Variants in CEP164 observed in about 807,000 individuals in gnomAD.
CEP164 encodes centrosomal protein 164.
CEP164 carries 162 observed loss-of-function variants against 182.7 expected under a neutral mutation model. The ratio of observed to expected loss-of-function variants is 0.89; its 90% CI spans 0.78 to 1.01. The LOEUF (loss-of-function observed/expected upper bound fraction) is 1.01. CEP164 is among the 50% of genes least tolerant of loss of function. The pLI, the probability that CEP164 is intolerant of heterozygous loss-of-function variation, is 0.00. For missense variants in CEP164, 1,735 were observed against 1,790.4 expected (o/e 0.97, Z 0.56); for synonymous variants, 661 against 690.0 (o/e 0.96, Z 0.66).
chr11:117,404,578 G>A (rs2046468903), intron 27 of CEP164, among the ~76,000 whole-genome samples: 1 of 152,214 alleles, frequency 6.6e-6, no homozygotes, highest in South Asian at 2.1e-4. Context: ...TCCTGTATGA[G>A]GTGTCTGTCG....
intron 10 of CEP164, among the ~76,000 whole-genome samples, chr11:117,374,117 T>C (rs1185306701): frequency 1.3e-5 from 2 of 152,150 alleles, no homozygotes; most frequent in African/African-American, 4.8e-5. Flanking sequence ...TAGCTATTAT[T>C]ACTCTCACTA....
Position 117,396,199 on chromosome 11 carries a change from CCTGGGGGCTGGGG to C in CEP164, c.3216+21_3216+33del. ...TGGAACAGTGAGCTGGGGGCTGGGG[CCTGGGGGCTGGGG>C]CACCAGGATGGTGTGGGGCATTGGG... On this transcript the variant is annotated intron_variant, in intron 25 of 32. Coordinates refer to ENST00000278935, the MANE Select transcript of CEP164 (RefSeq NM_014956.5). The C allele has an allele frequency of 9.6e-7, 1 of 1,043,220 alleles. No homozygotes were observed. The highest frequency in any genetic ancestry group is 1.4e-6 in the Non-Finnish European group (1 of 696,920). 64.6% of individuals were successfully genotyped at this position (1,043,220 alleles called of 1,614,324 possible).
chr11:117,329,744 G>A (rs970164994), intron 1 of CEP164, among the ~76,000 whole-genome samples: 1 of 151,068 alleles, frequency 6.6e-6, no homozygotes, highest in Non-Finnish European at 1.5e-5. Flanking sequence ...GTTTCACCAT[G>A]TTGGCCAGGC....
intron 27 of CEP164, among the ~76,000 whole-genome samples, chr11:117,403,401 G>A (rs1834158163): frequency 6.6e-6 from 1 of 152,128 alleles, no homozygotes; most frequent in South Asian, 2.1e-4. Context: ...TTGTCTGTAT[G>A]GATTTTATTT....
intron 27 of CEP164, among the ~76,000 whole-genome samples, chr11:117,401,882 A>G (rs2046178691): frequency 6.6e-6 from 1 of 151,942 alleles, no homozygotes; most frequent in Non-Finnish European, 1.5e-5. Context: ...ATTAGTCTGG[A>G]TAGCAGTCTA....
At chr11:117,354,200 T>C (rs911567243) in intron 5 of CEP164, among the ~76,000 whole-genome samples, 1 of 151,966 alleles carries the variant, frequency 6.6e-6, no homozygotes. Flanking sequence ...GTATTTTTAG[T>C]AGACATGGGG....
At position 117,412,465 on chromosome 11, in the gene CEP164, C is replaced by T. The variant is rs904487521; in HGVS notation, c.*297C>T. 4.7e-5 allele frequency: 14 copies of T among 297,390 alleles called. No individual in the cohort carries two copies. Among genetic ancestry groups the T allele is most frequent in the East Asian group, 7.8e-5 (1 of 12,788 alleles). 18.4% of individuals were successfully genotyped at this position (297,390 alleles called of 1,614,324 possible). ...GGGAGCCCTTTGGGAGGAAGGGAGG[C>T]GTTAGAGGAGCTGCCTTCGGAGGCT... On this transcript the variant is annotated 3_prime_UTR_variant, in exon 33 of 33. Transcript: ENST00000278935.
At chr11:117,322,762 T>A (rs530852620) in intron 1 of CEP164, among the ~76,000 whole-genome samples, 107 of 136,394 alleles carry the variant, frequency 7.8e-4, no homozygotes, top group African/African-American at 2.8e-3. Flanking sequence ...GATAGATTTT[T>A]TTTTTTTTTT....
In CEP164 at chr11:117,322,657, G is replaced by A. The variant is rs191121665; in HGVS notation, c.-98+7929G>A. Reference sequence around the variant, plus strand: ...TGAAACCTCTGCCTCCCGGGTGCAAGTGATTCTCCTGCTTCAGCCTCCCAA... The same window carrying A: ...TGAAACCTCTGCCTCCCGGGTGCAAATGATTCTCCTGCTTCAGCCTCCCAA... On this transcript the variant is annotated intron_variant, in intron 1 of 4. Coordinates refer to the CEP164 transcript ENST00000525734. 7.8e-3 allele frequency among the ~76,000 whole-genome samples: 1,182 copies of A among 151,226 alleles called. 12 individuals carry two copies. The highest frequency in any genetic ancestry group is 0.027 in the African/African-American group (1,105 of 41,222).
chr11:117,409,988 C>T lies in CEP164; in HGVS notation c.4096+23C>T. The T allele has an allele frequency of 6.2e-7, 1 of 1,600,834 alleles. No individual in the cohort carries two copies. On this transcript the variant is annotated intron_variant, in intron 30 of 32. Transcript: ENST00000278935. The surrounding 1 kb of genome is among the most constrained non-coding windows in gnomAD (Gnocchi z 4.4). The stretch of plus-strand genomic sequence containing the variant: ...CATGTAAGCCCCACTCTGGGCGGAG[C>T]CTTCCCACCTGCCTCCTCCTCCTCC...
chr11:117,357,423 CTTTTTTTTT>C (rs4018866), intron 5 of CEP164, among the ~76,000 whole-genome samples: 28,315 of 121,540 alleles, frequency 0.23, 2,812 homozygotes, highest in Admixed American at 0.31. Flanking sequence ...AGTTAATATT[CTTTTTTTTT>C]TTTTTTTTTT....
At chr11:117,396,521 C>G in intron 25 of CEP164, 29 bp from the exon 26 acceptor site, 1 of 1,594,460 alleles carries the variant, frequency 6.3e-7, no homozygotes, top group African/African-American at 1.3e-5. Flanking sequence ...TTGCTACACT[C>G]AGTGGACTTT....
intron 8 of CEP164, among the ~76,000 whole-genome samples, chr11:117,363,759 CTTTTTTTTTTTTTT>C (rs72255760): frequency 5.1e-5 from 3 of 58,440 alleles, no homozygotes; most frequent in Admixed American, 2.2e-4. Flanking sequence ...ACCTCCAATG[CTTTTTTTTTTTTTT>C]TTTTTTTTTT....
chr11:117,344,832 G>A (rs2038654094), intron 4 of CEP164, among the ~76,000 whole-genome samples: 1 of 152,062 alleles, frequency 6.6e-6, no homozygotes, highest in African/African-American at 2.4e-5. Context: ...GGAGGCTGAG[G>A]CAGGAGAATA....
chr11:117,398,414 G>A (rs952643695), intron 27 of CEP164, among the ~76,000 whole-genome samples: 4 of 152,192 alleles, frequency 2.6e-5, no homozygotes, highest in Non-Finnish European at 4.4e-5. Flanking sequence ...CTGGGGGTCT[G>A]GAGGACGGTG....
At chr11:117,362,579 G>C (rs373682925) in intron 7 of CEP164, 41 bp downstream of exon 7, 1 of 1,568,706 alleles carries the variant, frequency 6.4e-7, no homozygotes, top group African/African-American at 1.4e-5. Context: ...AACCCTCTGT[G>C]CCATATTTTT....
In CEP164 at chr11:117,412,483, C is replaced by T. The variant is rs1052727074; in HGVS notation, c.*315C>T. ...AGGGAGGCGTTAGAGGAGCTGCCTTCGGAGGCTCAGGGAGTCCCTTTGGAG... is the reference window on the plus strand; with the variant it reads ...AGGGAGGCGTTAGAGGAGCTGCCTTTGGAGGCTCAGGGAGTCCCTTTGGAG... On this transcript the variant is annotated 3_prime_UTR_variant, in exon 33 of 33. Coordinates refer to ENST00000278935, the MANE Select transcript of CEP164 (RefSeq NM_014956.5). 3.7e-5 allele frequency: 10 copies of T among 270,238 alleles called. No homozygotes were observed. Among genetic ancestry groups the T allele is most frequent in the East Asian group, 8.9e-5 (1 of 11,212 alleles). The allele number at this position is 270,238 out of a possible 1,614,324, so 16.7% of individuals were successfully genotyped here. A position where few individuals can be genotyped will look rare whatever the true frequency, so the allele number is the denominator to read the frequency against.
chr11:117,410,189 T>A, intron 30 of CEP164: 1 of 660,820 alleles, frequency 1.5e-6, no homozygotes, highest in East Asian at 2.7e-5. Context: ...CCAGGAGTTC[T>A]ATGGGTTGGG....
chr11:117,359,629 G>C (rs2040711129), intron 5 of CEP164: 6 of 978,048 alleles, frequency 6.1e-6, no homozygotes, highest in Non-Finnish European at 7.3e-6. Context: ...TTCAGTCTTT[G>C]TGGGATTAGG....
Sources: allele counts gnomAD v4.1 joint callset (sites outside exome capture counted in the v4.1 genomes callset), GRCh38; gene constraint gnomAD v4.1.1; non-coding constraint Gnocchi (gnomAD v3.1); transcripts MANE v1.5; gene names NCBI Gene and HGNC (gene_info 2026-07-23, HGNC 2026-07-21).